Variants in MBTD1 observed in about 807,000 individuals in gnomAD.
MBTD1 encodes the protein MBT domain-containing protein 1.
In MBTD1, 24 loss-of-function variants were observed where a neutral mutation model predicts 87.8. The ratio of observed to expected loss-of-function variants is 0.27; its 90% CI spans 0.20 to 0.38. The LOEUF is 0.38. Ranked by LOEUF, MBTD1 falls within the 10% of genes least tolerant of loss-of-function variation. MBTD1 has a pLI of 1.00. For missense variants in MBTD1, 436 were observed against 760.2 expected, an observed-to-expected ratio of 0.57 and a Z score of 5.02; for synonymous variants, 237 against 248.6, an observed-to-expected ratio of 0.95 and a Z score of 0.44.
chr17:51,246,147 A>G (rs867252666), intron 2 of MBTD1, among the ~76,000 whole-genome samples: 27 of 152,254 alleles, frequency 1.8e-4, no homozygotes, highest in Admixed American at 1.3e-4. Flanking sequence ...AGATTTTGGA[A>G]TATGTGCATA....
intron 6 of MBTD1, 34 bp downstream of exon 6, chr17:51,217,300 T>C: frequency 1.6e-6 from 2 of 1,216,708 alleles, no homozygotes; most frequent in Non-Finnish European, 2.3e-6. Context: ...AATGACTAAG[T>C]ACTTCAAAAT....
intron 15 of MBTD1, 169 bp downstream of exon 15, chr17:51,192,613 C>T (rs1283246456): frequency 3.1e-5 from 37 of 1,211,408 alleles, no homozygotes; most frequent in Non-Finnish European, 3.5e-5. Context: ...CCATGGGACA[C>T]ATGGTCTGAT....
chr17:51,229,239 T>C (rs560033995), intron 2 of MBTD1, among the ~76,000 whole-genome samples: 1 of 151,984 alleles, frequency 6.6e-6, no homozygotes, highest in African/African-American at 2.4e-5. Flanking sequence ...ATGAAAACTA[T>C]CAACTCAAGA....
At chr17:51,191,931 G>A (rs1207610533) in intron 16 of MBTD1, 1 of 363,802 alleles carries the variant, frequency 2.7e-6, no homozygotes, top group African/African-American at 2.2e-5. Context: ...ACTTTCAGTA[G>A]GTTTTACATA....
At chr17:51,260,873 G>T (rs774089194), upstream of MBTD1, 3 of 1,601,624 alleles carry the variant, frequency 1.9e-6, no homozygotes, top group African/African-American at 4.0e-5. Flanking sequence ...GCTGGTCTTC[G>T]GCGACGTCGA....
chr17:51,258,237 G>A (rs763961627), intron 2 of MBTD1, among the ~76,000 whole-genome samples: 13 of 152,256 alleles, frequency 8.5e-5, no homozygotes, highest in Non-Finnish European at 1.6e-4. Context: ...CATTATACCT[G>A]TTATGTCTTG....
At chr17:51,237,165 A>T (rs2143942648) in intron 2 of MBTD1, among the ~76,000 whole-genome samples, 1 of 152,096 alleles carries the variant, frequency 6.6e-6, no homozygotes, top group South Asian at 2.1e-4. Flanking sequence ...GCATGATGGC[A>T]GGTGCCTGTA....
chr17:51,192,237 C>T lies in MBTD1; in HGVS notation c.1734G>A (p.Lys578=), dbSNP rs1568152225. ...NQSASSKQKK[K]AKSQQYKGHK... is the part of the protein sequence containing the mutation. ...GTCCTTTGTATTGCTGGGACTTAGC[C>T]TTTTTCTTCTGTTTTGATGAAGCTG... is the stretch of plus-strand genomic sequence containing the variant. The change falls in exon 16 of 17, where the codon AAG becomes AAA. Residue 578 remains lysine (K), a synonymous_variant. Transcript: ENST00000586178. The T allele has an allele frequency of 2.6e-6, 4 of 1,551,302 alleles. No homozygotes were observed. Among genetic ancestry groups the T allele is most frequent in the Non-Finnish European group, 2.6e-6 (3 of 1,146,840 alleles).
intron 3 of MBTD1, among the ~76,000 whole-genome samples, chr17:51,224,735 T>A (rs1381152771): frequency 3.9e-5 from 6 of 152,234 alleles, no homozygotes; most frequent in African/African-American, 1.4e-4. Flanking sequence ...ATACTTTCAG[T>A]TACAGAGGCA....
intron 2 of MBTD1, among the ~76,000 whole-genome samples, chr17:51,244,361 T>A (rs948964211): frequency 1.3e-5 from 2 of 152,194 alleles, no homozygotes; most frequent in African/African-American, 4.8e-5. Flanking sequence ...CTATTCTTAT[T>A]CTGGGGCTCA....
intron 5 of MBTD1, among the ~76,000 whole-genome samples, chr17:51,218,240 ATCT>A (rs2052681852): frequency 6.6e-6 from 1 of 151,938 alleles, no homozygotes; most frequent in Non-Finnish European, 1.5e-5. Flanking sequence ...TCTATTAAAA[ATCT>A]TCTGGCTGGG....
chr17:51,260,509 GGCGGCCCGCGAGGGGCCTGGGC>G (rs1459034773), upstream of MBTD1: 30 of 1,467,652 alleles, frequency 2.0e-5, no homozygotes, highest in Non-Finnish European at 2.6e-5. Flanking sequence ...CTTCGGCGGC[GGCGGCCCGCGAGGGGCCTGGGC>G]GCATGCGCAG....
chr17:51,199,765 T>A (rs1323287626), intron 12 of MBTD1, among the ~76,000 whole-genome samples: 1 of 152,092 alleles, frequency 6.6e-6, no homozygotes, highest in East Asian at 1.9e-4. Flanking sequence ...TTGGAGCCAG[T>A]CTTGTCCAGC....
chr17:51,243,932 G>A (rs2054290396), intron 2 of MBTD1, among the ~76,000 whole-genome samples: 1 of 152,154 alleles, frequency 6.6e-6, no homozygotes, highest in Admixed American at 6.5e-5. Flanking sequence ...CTCTGGTTAT[G>A]TACCCCATAA....
At chr17:51,240,922 T>C (rs2054128591) in intron 2 of MBTD1, among the ~76,000 whole-genome samples, 1 of 152,148 alleles carries the variant, frequency 6.6e-6, no homozygotes, top group Non-Finnish European at 1.5e-5. Flanking sequence ...GATGCTATAA[T>C]TTTCAAGGCA....
chr17:51,251,790 T>C (rs1407353333), intron 2 of MBTD1: 1 of 152,214 alleles, frequency 6.6e-6, no homozygotes, highest in Non-Finnish European at 1.5e-5. Context: ...AACCTAATAT[T>C]GGACTTGCTC....
intron 2 of MBTD1, among the ~76,000 whole-genome samples, chr17:51,241,423 A>G (rs569005353): frequency 1.8e-4 from 28 of 152,296 alleles, no homozygotes; most frequent in African/African-American, 6.3e-4. Context: ...TTAGGATCCA[A>G]TGATTCTTGC....
intron 2 of MBTD1, among the ~76,000 whole-genome samples, chr17:51,234,155 C>T (rs1344959511): frequency 2.0e-5 from 3 of 151,922 alleles, no homozygotes; most frequent in East Asian, 3.9e-4. Flanking sequence ...TCTGGGAGGC[C>T]GAGGTGGGTG....
chr17:51,219,234 T>C (rs1371143077), intron 4 of MBTD1, among the ~76,000 whole-genome samples, 190 bp from the exon 5 acceptor site: 1 of 152,178 alleles, frequency 6.6e-6, no homozygotes, highest in Non-Finnish European at 1.5e-5. Flanking sequence ...TGTAGTTATC[T>C]AATATGGGTA....
Sources: allele counts gnomAD v4.1 joint callset (sites outside exome capture counted in the v4.1 genomes callset), GRCh38; gene constraint gnomAD v4.1.1; transcripts MANE v1.5; gene names NCBI Gene and HGNC (gene_info 2026-07-23, HGNC 2026-07-21).